Variants in XRN2 observed in about 807,000 individuals in gnomAD.
XRN2 encodes DHM1-like protein.
A neutral mutation model predicts 138.5 loss-of-function variants in XRN2; 44 were observed. The ratio of observed to expected loss-of-function variants is 0.32; its 90% CI spans 0.25 to 0.41. The LOEUF is 0.41. Among genes scored for constraint, XRN2 ranks in the 10% least tolerant of loss-of-function variants. XRN2 has a pLI of 1.00. For missense variants in XRN2, 937 were observed against 1,169.3 expected (o/e 0.80, Z 2.90); for synonymous variants, 354 against 369.4 (o/e 0.96, Z 0.48).
intron 1 of XRN2, among the ~76,000 whole-genome samples, chr20:21,304,936 A>G (rs997045156): frequency 1.7e-4 from 26 of 152,176 alleles, no homozygotes; most frequent in African/African-American, 5.3e-4. Flanking sequence ...ATCAGATAGG[A>G]TAGTTGACTA....
intron 8 of XRN2, 111 bp downstream of exon 8, chr20:21,331,929 G>A: frequency 8.2e-7 from 1 of 1,212,712 alleles, no homozygotes. Context: ...AAAATGCCTT[G>A]GTTATTTTAT....
At chr20:21,305,256 T>C (rs897018368) in intron 1 of XRN2, among the ~76,000 whole-genome samples, 2 of 152,202 alleles carry the variant, frequency 1.3e-5, no homozygotes, top group Non-Finnish European at 2.9e-5. Flanking sequence ...ATCATCTTAC[T>C]TCATTTGTTT....
chr20:21,384,065 T>C (rs1317440571), intron 28 of XRN2, among the ~76,000 whole-genome samples: 2 of 152,230 alleles, frequency 1.3e-5, no homozygotes, highest in Non-Finnish European at 2.9e-5. Flanking sequence ...TTTATTACAT[T>C]GCATTTCTTG....
At chr20:21,348,739 G>T (rs1211839593) in intron 19 of XRN2, among the ~76,000 whole-genome samples, 1 of 152,074 alleles carries the variant, frequency 6.6e-6, no homozygotes, top group African/African-American at 2.4e-5. Context: ...TGCCTCCCGG[G>T]TTCACGCCAT....
At chr20:21,351,370 A>G (rs2038508416) in intron 20 of XRN2, among the ~76,000 whole-genome samples, 1 of 152,168 alleles carries the variant, frequency 6.6e-6, no homozygotes, top group Non-Finnish European at 1.5e-5. Flanking sequence ...ACATCGTTTC[A>G]TGTCCTTTTT....
intron 1 of XRN2, among the ~76,000 whole-genome samples, chr20:21,305,248 C>T (rs1260034971): frequency 6.6e-6 from 1 of 152,080 alleles, no homozygotes; most frequent in Non-Finnish European, 1.5e-5. Flanking sequence ...TCTGGATCAT[C>T]ATCTTACTTC....
chr20:21,332,437 A>T lies in XRN2; in HGVS notation c.855A>T (p.Gly285=). 1.2e-6 allele frequency: 2 copies of T among 1,605,552 alleles called. No individual in the cohort carries two copies. Among genetic ancestry groups the T allele is most frequent in the Non-Finnish European group, 1.7e-6 (2 of 1,176,648 alleles). The change falls in exon 9 of 30, where the codon GGA becomes GGT. Residue 285 remains glycine (G), a synonymous_variant. Transcript: ENST00000377191. ...AAGGTTTGCCAAGAGAAAAGAAGGGAAAGGTAAGAACTTTGAGATGGTAGT... is the reference window on the plus strand; with the variant it reads ...AAGGTTTGCCAAGAGAAAAGAAGGGTAAGGTAAGAACTTTGAGATGGTAGT... ...DCEGLPREKK[G]KHDELADSLP...
intron 20 of XRN2, among the ~76,000 whole-genome samples, chr20:21,353,223 GATATATATATATATATAT>G (rs869071652): frequency 8.3e-4 from 94 of 113,846 alleles, no homozygotes; most frequent in African/African-American, 1.9e-3. Context: ...TAGTGGGTAG[GATATATATATATATATAT>G]ATATATATAT....
chr20:21,337,393 C>T (rs917477864), intron 13 of XRN2, among the ~76,000 whole-genome samples: 1 of 152,192 alleles, frequency 6.6e-6, no homozygotes, highest in Non-Finnish European at 1.5e-5. Flanking sequence ...TGACACAAGA[C>T]TGAAAGATGT....
chr20:21,348,312 T>G, intron 18 of XRN2, 29 bp from the exon 19 acceptor site: 2 of 1,612,338 alleles, frequency 1.2e-6, no homozygotes, highest in East Asian at 2.2e-5. Context: ...ATAATAATCT[T>G]GGGTCTTTAA....
intron 1 of XRN2, among the ~76,000 whole-genome samples, chr20:21,304,064 C>T (rs2037780474): frequency 6.6e-6 from 1 of 152,170 alleles, no homozygotes; most frequent in South Asian, 2.1e-4. Flanking sequence ...TGAGAAGTTA[C>T]CCTTCTCTGT....
intron 20 of XRN2, 87 bp from the exon 21 acceptor site, chr20:21,354,702 A>G: frequency 1.6e-6 from 2 of 1,265,020 alleles, no homozygotes; most frequent in Non-Finnish European, 2.3e-6. Flanking sequence ...AGGAAACTCT[A>G]CTAGAAACGT....
intron 27 of XRN2, among the ~76,000 whole-genome samples, chr20:21,371,463 TGG>T (rs2038760376): frequency 6.6e-6 from 1 of 152,216 alleles, no homozygotes; most frequent in African/African-American, 2.4e-5. Flanking sequence ...AGTGGTCCTG[TGG>T]GAATCTGCTT....
intron 3 of XRN2, among the ~76,000 whole-genome samples, chr20:21,327,060 G>T (rs2038138489): frequency 6.6e-6 from 1 of 152,114 alleles, no homozygotes; most frequent in East Asian, 1.9e-4. Context: ...ATGGGACAGG[G>T]TTTGGGGAGG....
At chr20:21,359,634 A>T (rs1194276536) in intron 24 of XRN2, among the ~76,000 whole-genome samples, 1 of 152,204 alleles carries the variant, frequency 6.6e-6, no homozygotes, top group Non-Finnish European at 1.5e-5. Context: ...TTTGCTGAAG[A>T]TTTGTGGGAG....
intron 24 of XRN2, among the ~76,000 whole-genome samples, chr20:21,362,437 C>G (rs113276477): frequency 6.6e-6 from 1 of 152,084 alleles, no homozygotes; most frequent in African/African-American, 2.4e-5. Context: ...CATCTGAGCT[C>G]GATCTCCATT....
intron 14 of XRN2, among the ~76,000 whole-genome samples, chr20:21,339,523 T>A (rs2038344084): frequency 6.6e-6 from 1 of 152,202 alleles, no homozygotes; most frequent in Non-Finnish European, 1.5e-5. Flanking sequence ...AATTCTGTCT[T>A]AGTTTGGTGT....
chr20:21,384,325 C>G (rs6137331), intron 28 of XRN2, among the ~76,000 whole-genome samples: 12,076 of 152,098 alleles, frequency 0.079, 613 homozygotes, highest in East Asian at 0.16. Context: ...CATGAAAAAT[C>G]TTTTAAATAA....
intron 27 of XRN2, among the ~76,000 whole-genome samples, chr20:21,374,951 A>T (rs2038802173): frequency 7.4e-6 from 1 of 134,704 alleles, no homozygotes; most frequent in African/African-American, 2.8e-5. Flanking sequence ...ATAGATTCAA[A>T]TTTTTTAGTT....
Sources: gnomAD v4.1 joint callset for allele counts (sites outside exome capture counted in the v4.1 genomes callset) on GRCh38, gnomAD v4.1.1 for gene constraint, MANE v1.5 for transcripts, NCBI Gene and HGNC (gene_info 2026-07-23, HGNC 2026-07-21) for gene names.